Variants in MYO3A observed in about 807,000 individuals in gnomAD.
MYO3A encodes the protein myosin IIIA.
In MYO3A, 180 loss-of-function variants were observed where a neutral mutation model predicts 192.7. The observed-to-expected ratio is 0.93, with a 90% CI of 0.83 to 1.06. MYO3A has a LOEUF of 1.06. Ranked by LOEUF, MYO3A falls within the 50% of genes least tolerant of loss-of-function variation. The pLI, the probability that MYO3A is intolerant of heterozygous loss-of-function variation, is 0.00. For synonymous variants in MYO3A, 628 were observed against 645.3 expected (o/e 0.97, Z 0.41); for missense variants, 1,896 against 1,905.0 (o/e 1.00, Z 0.09).
chr10:26,119,269 T>A (rs1489581390), intron 17 of MYO3A, among the ~76,000 whole-genome samples: 1 of 151,820 alleles, frequency 6.6e-6, no homozygotes, highest in Non-Finnish European at 1.5e-5. Context: ...GCCCTTGTAA[T>A]TTTTTTTCTG....
intron 10 of MYO3A, among the ~76,000 whole-genome samples, chr10:26,057,891 G>A (rs1393460578): frequency 2.0e-5 from 3 of 152,178 alleles, no homozygotes; most frequent in Non-Finnish European, 2.9e-5. Flanking sequence ...CTTCCCATGT[G>A]TCCCCTTCCC....
intron 17 of MYO3A, among the ~76,000 whole-genome samples, chr10:26,118,698 C>T (rs1159626332): frequency 6.6e-6 from 1 of 151,754 alleles, no homozygotes; most frequent in Non-Finnish European, 1.5e-5. Context: ...GTGGCACGAT[C>T]TCGGCTCACT....
At chr10:26,019,069 T>C (rs1258207525) in intron 7 of MYO3A, among the ~76,000 whole-genome samples, 1 of 152,054 alleles carries the variant, frequency 6.6e-6, no homozygotes, top group Non-Finnish European at 1.5e-5. Context: ...TGTGCAATCA[T>C]CATCACAATC....
chr10:26,081,141 C>G (rs1331922531), intron 14 of MYO3A, among the ~76,000 whole-genome samples: 1 of 103,148 alleles, frequency 9.7e-6, no homozygotes. Flanking sequence ...CTTCCCCCCC[C>G]CCCCGCCCCC....
At chr10:26,073,938 C>A (rs562832258) in intron 14 of MYO3A, among the ~76,000 whole-genome samples, 24 of 152,062 alleles carry the variant, frequency 1.6e-4, no homozygotes, top group African/African-American at 5.8e-4. Flanking sequence ...ACTCTCAGAG[C>A]TGTACAGTAT....
chr10:25,990,517 AT>A (rs935977748), intron 4 of MYO3A, among the ~76,000 whole-genome samples: 3 of 148,622 alleles, frequency 2.0e-5, no homozygotes, highest in Admixed American at 2.0e-4. Context: ...TAATATATAT[AT>A]TTTTTATTAT....
Position 26,168,892 on chromosome 10 carries a change from T to C in MYO3A, c.3274+18T>C. 3.1e-6 allele frequency: 5 copies of C among 1,597,410 alleles called. No individual in the cohort carries two copies. The highest frequency in any genetic ancestry group is 4.3e-6 in the Non-Finnish European group (5 of 1,168,768). On this transcript the variant is annotated intron_variant, in intron 28 of 34. Coordinates refer to ENST00000642920, the MANE Select transcript of MYO3A (RefSeq NM_017433.5). ...ACAGTCAGGTAATCTCTTTGACATA[T>C]TTAGATATGGTCATAAAATCAAATC...
Position 26,147,422 on chromosome 10 carries a change from A to G in MYO3A, c.2506-8A>G, listed in dbSNP as rs767920421. 1 of 1,609,870 alleles carries G rather than the reference A, an allele frequency of 6.2e-7. No individual in the cohort carries two copies. Among genetic ancestry groups the G allele is most frequent in the South Asian group, 1.1e-5 (1 of 90,974 alleles). ...GATTGTGATAATTATAGCATACTGT[A>G]TCAACAGGTCCTCTATAATGCAAGT... is the stretch of plus-strand genomic sequence containing the variant. On this transcript the variant is annotated splice_region_variant and splice_polypyrimidine_tract_variant and intron_variant, in intron 22 of 34. Transcript: ENST00000642920.
intron 4 of MYO3A, among the ~76,000 whole-genome samples, chr10:25,994,135 T>C (rs1295782625): frequency 6.6e-6 from 1 of 152,164 alleles, no homozygotes; most frequent in Admixed American, 6.5e-5. Flanking sequence ...CCATTATTAT[T>C]GTGTGGGAGT....
chr10:26,066,993 G>T lies in MYO3A; in HGVS notation c.972G>T (p.Thr324=). Residue 324 remains threonine, a synonymous_variant, in exon 11 of 35, where the codon ACG becomes ACT. Transcript: ENST00000642920. ...TCCACAGACGTGAACGTATTCACAC[G>T]AAGAAAGGGAACTTCAACCGACCTC... ...TEKARRERIH[T]KKGNFNRPLI... is the part of the protein sequence containing the mutation. 1 of 1,611,660 alleles carries T rather than the reference G, an allele frequency of 6.2e-7. No individual in the cohort carries two copies. Among genetic ancestry groups the T allele is most frequent in the South Asian group, 1.1e-5 (1 of 91,028 alleles).
intron 34 of MYO3A, among the ~76,000 whole-genome samples, chr10:26,204,816 A>G (rs56811945): frequency 1.6e-3 from 246 of 152,350 alleles, no homozygotes; most frequent in African/African-American, 5.6e-3. Flanking sequence ...ATGCTGAAGG[A>G]AAAGTATACC....
chr10:26,014,024 A>G (rs1029258839), intron 6 of MYO3A, among the ~76,000 whole-genome samples: 2 of 152,140 alleles, frequency 1.3e-5, no homozygotes, highest in Non-Finnish European at 2.9e-5. Flanking sequence ...TCACAGGAGT[A>G]GAGAACCAAA....
At chr10:26,198,397 A>C (rs1843519075) in intron 32 of MYO3A, among the ~76,000 whole-genome samples, 1 of 152,104 alleles carries the variant, frequency 6.6e-6, no homozygotes, top group Non-Finnish European at 1.5e-5. Context: ...AGCAAAAATG[A>C]CTCAGGGCCA....
intron 29 of MYO3A, among the ~76,000 whole-genome samples, chr10:26,172,919 G>A (rs1278840805): frequency 6.6e-6 from 1 of 152,180 alleles, no homozygotes; most frequent in Non-Finnish European, 1.5e-5. Context: ...GGGCTAAGAT[G>A]AAAAGTTTGG....
intron 4 of MYO3A, among the ~76,000 whole-genome samples, chr10:25,994,718 C>A (rs1413558458): frequency 1.3e-5 from 2 of 152,196 alleles, no homozygotes; most frequent in African/African-American, 4.8e-5. Flanking sequence ...GTGACAAAAT[C>A]TCTCGGCATT....
At chr10:26,084,708 T>C (rs1246216488) in intron 14 of MYO3A, among the ~76,000 whole-genome samples, 2 of 152,158 alleles carry the variant, frequency 1.3e-5, no homozygotes, top group African/African-American at 4.8e-5. Context: ...CTCACTTTGT[T>C]GCCCAGGCTG....
chr10:26,027,676 G>A (rs1190003587), intron 10 of MYO3A, among the ~76,000 whole-genome samples: 1 of 152,114 alleles, frequency 6.6e-6, no homozygotes, highest in East Asian at 1.9e-4. Context: ...AAACAAAATT[G>A]GAATAGTATT....
intron 28 of MYO3A, 62 bp from the exon 29 acceptor site, chr10:26,170,354 T>C: frequency 2.5e-6 from 4 of 1,573,072 alleles, no homozygotes; most frequent in Non-Finnish European, 3.5e-6. Context: ...ATTTCTACTC[T>C]TTAAAGTAAA....
intron 4 of MYO3A, among the ~76,000 whole-genome samples, chr10:25,971,144 A>G (rs898093772): frequency 6.6e-6 from 1 of 152,244 alleles, no homozygotes; most frequent in Admixed American, 6.5e-5. Flanking sequence ...AAGAAGAACA[A>G]GTATTTAATT....
Sources: gnomAD v4.1 joint callset for allele counts (sites outside exome capture counted in the v4.1 genomes callset) on GRCh38, gnomAD v4.1.1 for gene constraint, MANE v1.5 for transcripts, NCBI Gene and HGNC (gene_info 2026-07-23, HGNC 2026-07-21) for gene names.